KDM2B: variants seen among roughly 807,000 people sequenced by gnomAD.
KDM2B encodes the protein lysine demethylase 2B.
KDM2B carries 26 observed loss-of-function variants against 150.0 expected under a neutral mutation model. The observed-to-expected ratio is 0.17, with a 90% confidence interval of 0.13 to 0.24. The LOEUF is 0.24. Ranked by LOEUF, KDM2B falls within the 10% of genes least tolerant of loss-of-function variation. The pLI, the probability that KDM2B is intolerant of heterozygous loss-of-function variation, is 1.00. For synonymous variants in KDM2B, 734 were observed against 729.5 expected, an observed-to-expected ratio of 1.01 and a Z score of -0.10; for missense variants, 1,265 against 1,816.9, an observed-to-expected ratio of 0.70 and a Z score of 5.52.
intron 11 of KDM2B, among the ~76,000 whole-genome samples, chr12:121,501,779 C>T (rs1162194851): frequency 6.6e-6 from 1 of 152,044 alleles, no homozygotes; most frequent in Non-Finnish European, 1.5e-5. Flanking sequence ...CACCACCATG[C>T]CCTGCTAATT....
rs1175512269 is a variant in KDM2B at position 121,490,964 on chromosome 12, C to CTT, written c.1734+3613_1734+3614dup. ...CATCCTGAGGGCCTCAGTGAGCACCCTTGATCTTTCACCCCAACCTGCATC... is the reference window on the plus strand; with the variant it reads ...CATCCTGAGGGCCTCAGTGAGCACCCTTTTGATCTTTCACCCCAACCTGCATC... On this transcript the variant is annotated intron_variant, in intron 12 of 22. Transcript: ENST00000377071. 2.0e-5 allele frequency among the ~76,000 whole-genome samples: 3 copies of CTT among 152,170 alleles called. 1 individual carries two copies. The highest frequency in any genetic ancestry group is 1.9e-4 in the East Asian group (1 of 5,198).
chr12:121,556,783 C>T (rs1477412534), intron 4 of KDM2B, among the ~76,000 whole-genome samples: 3 of 150,846 alleles, frequency 2.0e-5, no homozygotes, highest in Non-Finnish European at 4.4e-5. Flanking sequence ...ATCCAGGAAG[C>T]GGAGGTTGCA....
Position 121,521,069 on chromosome 12 carries a change from G to A in KDM2B, c.963C>T (p.Asp321=). The change falls in exon 9 of 23, where the codon GAC becomes GAT. Residue 321 remains aspartate, a synonymous_variant. Coordinates refer to ENST00000377071, the MANE Select transcript of KDM2B (RefSeq NM_032590.5). The surrounding 1 kb of genome is among the most constrained non-coding windows in gnomAD (Gnocchi z 4.9). ...GGATGTTTCCGCCGAACACCAAAGA[G>A]TCTACAGGGGTGTAGACGGCATGGA... ...GWIHAVYTPV[D]SLVFGGNILH... 6.2e-7 allele frequency: 1 copy of A among 1,613,930 alleles called. No homozygotes were observed. The highest frequency in any genetic ancestry group is 8.5e-7 in the Non-Finnish European group (1 of 1,179,910).
At chr12:121,579,912 GA>G in intron 1 of KDM2B, 1 of 1,330,804 alleles carries the variant, frequency 7.5e-7, no homozygotes, top group Non-Finnish European at 9.6e-7. Context: ...GCAAAATACA[GA>G]AAAGGAAAGA....
intron 11 of KDM2B, 23 bp downstream of exon 11, chr12:121,509,544 C>A: frequency 1.2e-6 from 2 of 1,606,888 alleles, no homozygotes; most frequent in Non-Finnish European, 1.7e-6. Context: ...GGCCGCCCAG[C>A]CCCAGACGCC....
At chr12:121,432,162 G>A (rs1873162006) in intron 22 of KDM2B, among the ~76,000 whole-genome samples, 2 of 152,050 alleles carry the variant, frequency 1.3e-5, no homozygotes, top group Admixed American at 1.3e-4. Context: ...GATTATAGGT[G>A]TGAGCCACCG....
Position 121,440,914 on chromosome 12 carries a change from C to A in KDM2B, c.3512G>T (p.Ser1171Ile). 6.2e-7 allele frequency: 1 copy of A among 1,614,116 alleles called. No homozygotes were observed. The highest frequency in any genetic ancestry group is 8.5e-7 in the Non-Finnish European group (1 of 1,180,012). Residue 1171 changes from serine to isoleucine, a missense_variant, in exon 21 of 23, where the codon AGT becomes ATT. Transcript: ENST00000377071. ...WIAVSALCSS[S>I]CPLLRTLDVQ... ...ATCCAGGGTCCGGAGCAGCGGACAACTGGAGCTGCAAAGGGCCGAGACCGC... is the reference window on the plus strand; with the variant it reads ...ATCCAGGGTCCGGAGCAGCGGACAAATGGAGCTGCAAAGGGCCGAGACCGC...
chr12:121,515,759 C>T (rs1325473256), intron 9 of KDM2B, among the ~76,000 whole-genome samples: 2 of 152,022 alleles, frequency 1.3e-5, no homozygotes, highest in Non-Finnish European at 2.9e-5. Flanking sequence ...ACTGCTGGGC[C>T]TCCTCTCTCC....
rs113872458 is a variant in KDM2B at position 121,538,346 on chromosome 12, A to C, written c.684-3756T>G. Among the ~76,000 whole-genome samples, 625 of 151,892 alleles carry C rather than the reference A, an allele frequency of 4.1e-3. 5 individuals carry two copies. The highest frequency in any genetic ancestry group is 0.015 in the African/African-American group (604 of 41,422). On this transcript the variant is annotated intron_variant, in intron 6 of 22. Coordinates refer to ENST00000377071, the MANE Select transcript of KDM2B (RefSeq NM_032590.5). ...TGTGCCCCTCCAGATACAGCCATAG[A>C]AAGGACCCGAGCTAGGGGCCGCGGG...
At chr12:121,427,800 G>C (rs1680966173), downstream of KDM2B, among the ~76,000 whole-genome samples, 1 of 152,098 alleles carries the variant, frequency 6.6e-6, no homozygotes, top group South Asian at 2.1e-4. Context: ...TTCTAACCCT[G>C]AGCCCTACTT....
chr12:121,484,649 CT>C (rs1882553124), intron 12 of KDM2B, among the ~76,000 whole-genome samples: 1 of 151,774 alleles, frequency 6.6e-6, no homozygotes, highest in African/African-American at 2.4e-5. Flanking sequence ...AAGACCCCAT[CT>C]CTACAAAAAA....
intron 4 of KDM2B, among the ~76,000 whole-genome samples, chr12:121,561,331 C>A (rs1156469800): frequency 6.6e-6 from 1 of 152,166 alleles, no homozygotes; most frequent in Non-Finnish European, 1.5e-5. Flanking sequence ...TCTCCAGCAT[C>A]CTCACATTTC....
intron 4 of KDM2B, among the ~76,000 whole-genome samples, chr12:121,572,776 T>C (rs1891195846): frequency 6.6e-6 from 1 of 150,958 alleles, no homozygotes; most frequent in Non-Finnish European, 1.5e-5. Context: ...CGTCACAGCC[T>C]CCCAAGTAGC....
chr12:121,430,697 A>T lies in KDM2B; in HGVS notation c.3830-228T>A. The T allele has an allele frequency of 1.8e-6, 1 of 567,510 alleles. No homozygotes were observed. The highest frequency in any genetic ancestry group is 2.8e-5 in the East Asian group (1 of 36,028). 35.2% of individuals were successfully genotyped at this position (567,510 alleles called of 1,614,324 possible). On this transcript the variant is annotated intron_variant, in intron 22 of 22. Coordinates refer to ENST00000377071, the MANE Select transcript of KDM2B (RefSeq NM_032590.5). This position sits in a 1 kb window ranked among gnomAD's most constrained non-coding sequence, Gnocchi z 4.4. ...TAATATATGCCTCAAAAGCATTCAG[A>T]TAACCACGTGAAAATCACTTCTGAT...
intron 4 of KDM2B, among the ~76,000 whole-genome samples, chr12:121,573,292 T>A (rs1555316283): frequency 6.6e-6 from 1 of 151,652 alleles, no homozygotes; most frequent in Non-Finnish European, 1.5e-5. Flanking sequence ...TTACTTTTTT[T>A]TTTTTTTTGA....
chr12:121,457,723 AG>A (rs1196462483), intron 12 of KDM2B, among the ~76,000 whole-genome samples: 1 of 146,340 alleles, frequency 6.8e-6, no homozygotes, highest in South Asian at 2.2e-4. Context: ...ATGAAAGGTT[AG>A]GAAGATCGGA....
intron 9 of KDM2B, chr12:121,516,229 C>T (rs1015871580): frequency 1.8e-5 from 5 of 281,380 alleles, no homozygotes; most frequent in Non-Finnish European, 2.8e-5. Context: ...TGACACCTTC[C>T]GAGCCATTCT....
intron 13 of KDM2B, among the ~76,000 whole-genome samples, chr12:121,451,988 G>A (rs1202986255): frequency 6.6e-6 from 1 of 152,058 alleles, no homozygotes; most frequent in Non-Finnish European, 1.5e-5. Flanking sequence ...ATTGTCATAT[G>A]CTTCAACATG....
chr12:121,488,247 C>A (rs1033543308), intron 12 of KDM2B, among the ~76,000 whole-genome samples: 1 of 152,182 alleles, frequency 6.6e-6, no homozygotes, highest in Non-Finnish European at 1.5e-5. Flanking sequence ...TGCCTCTAAA[C>A]CATTCAGCCC....
Sources: gnomAD v4.1 joint callset for allele counts (sites outside exome capture counted in the v4.1 genomes callset) on GRCh38, gnomAD v4.1.1 for gene constraint, Gnocchi (gnomAD v3.1) non-coding constraint, MANE v1.5 for transcripts, NCBI Gene and HGNC (gene_info 2026-07-23, HGNC 2026-07-21) for gene names.